The following PLEKHG5 variants were observed in gnomAD, a reference collection of about 807,000 sequenced individuals.
PLEKHG5 encodes pleckstrin homology domain-containing family G member 5.
PLEKHG5 carries 52 observed loss-of-function variants against 103.8 expected under a neutral mutation model. The ratio of observed to expected loss-of-function variants is 0.50; its 90% CI spans 0.40 to 0.63. The LOEUF is 0.63. PLEKHG5 is among the 30% of genes least tolerant of loss of function. PLEKHG5 has a pLI of 0.00. For synonymous variants in PLEKHG5, 592 were observed against 575.5 expected (o/e 1.03, Z -0.41); for missense variants, 1,205 against 1,347.6 (o/e 0.89, Z 1.66).
chr1:6,489,120 T>A (rs1264326473), intron 1 of PLEKHG5, among the ~76,000 whole-genome samples: 1 of 152,198 alleles, frequency 6.6e-6, no homozygotes, highest in Non-Finnish European at 1.5e-5. Flanking sequence ...GCTCTCTGGC[T>A]GGAGGGATGT....
At chr1:6,497,331 G>T, upstream of PLEKHG5, 1 of 984,772 alleles carries the variant, frequency 1.0e-6, no homozygotes, top group Non-Finnish European at 1.3e-6. This position sits in a 1 kb window ranked among gnomAD's most constrained non-coding sequence, Gnocchi z 6.1. Context: ...CATGGAGCAG[G>T]CCCCGTGCCG....
intron 20 of PLEKHG5, 112 bp downstream of exon 20, chr1:6,467,713 G>T: frequency 6.7e-7 from 1 of 1,488,062 alleles, no homozygotes; most frequent in Non-Finnish European, 9.3e-7. Flanking sequence ...CACTGGGCAG[G>T]GTTCAGGCTC....
chr1:6,480,861 G>A (rs1277241875), intron 1 of PLEKHG5, among the ~76,000 whole-genome samples: 4 of 151,856 alleles, frequency 2.6e-5, no homozygotes, highest in Admixed American at 1.3e-4. Context: ...GCCTGGTCTC[G>A]AACTCCTGGG....
upstream of PLEKHG5, chr1:6,491,816 A>T (rs1333297621): frequency 3.2e-6 from 1 of 311,712 alleles, no homozygotes; most frequent in Non-Finnish European, 4.7e-6. This position sits in a 1 kb window ranked among gnomAD's most constrained non-coding sequence, Gnocchi z 4.1. Context: ...TCCACACTGC[A>T]ATCCCCTCTA....
At chr1:6,482,488 T>C (rs1011802806) in intron 1 of PLEKHG5, among the ~76,000 whole-genome samples, 1 of 152,080 alleles carries the variant, frequency 6.6e-6, no homozygotes, top group Non-Finnish European at 1.5e-5. Context: ...TCTGAGTGTG[T>C]TTTTAATGTG....
At chr1:6,470,931 C>G (rs1248947478) in intron 13 of PLEKHG5, 47 bp from the exon 14 acceptor site, 1 of 1,548,818 alleles carries the variant, frequency 6.5e-7, no homozygotes, top group Non-Finnish European at 8.7e-7. Context: ...CCCGCCCCAC[C>G]CGGCCCCGTC....
upstream of PLEKHG5, among the ~76,000 whole-genome samples, chr1:6,499,760 C>A (rs1042730434): frequency 2.0e-5 from 3 of 152,034 alleles, no homozygotes; most frequent in Non-Finnish European, 4.4e-5. Context: ...CAGGTGATAG[C>A]GTACCCTGGA....
At position 6,469,081 on chromosome 1, in the gene PLEKHG5, A is replaced by C. The variant is rs1644484048; in HGVS notation, c.2210T>G (p.Ile737Ser). The C allele has an allele frequency of 1.9e-6, 3 of 1,613,052 alleles. No individual in the cohort carries two copies. Among genetic ancestry groups the C allele is most frequent in the Middle Eastern group, 1.6e-4 (1 of 6,084 alleles). The change falls in exon 19 of 21, where the codon ATC becomes AGC. Residue 737 changes from isoleucine (I) to serine (S), a missense_variant. Coordinates refer to ENST00000377728, the MANE Select transcript of PLEKHG5 (RefSeq NM_020631.6). ...SGTSAASSPTIMRKSSGSPDS... is the reference protein window; with the variant it reads ...SGTSAASSPTSMRKSSGSPDS... ...GGGGCTGCCGCTGCTTTTCCGCATG[A>C]TGGTAGGGGAGCTGGCAGCTGAAGT... is the stretch of plus-strand genomic sequence containing the variant.
At position 6,485,515 on chromosome 1, in the gene PLEKHG5, C is replaced by T. The variant is rs559279274; in HGVS notation, c.-88+6122G>A. The T allele has an allele frequency of 1.0e-3, 1,257 of 1,224,856 alleles. 14 individuals are homozygous for T. The African/African-American group carries it at 0.019, about 18-fold the overall frequency. The allele number at this position is 1,224,856 out of a possible 1,614,324, so 75.9% of individuals were successfully genotyped here. A position where few individuals can be genotyped will look rare whatever the true frequency, so the allele number is the denominator to read the frequency against. ...CGGAGCCCCGCTTCCTGCCATTGTG[C>T]GGCCGCGCCCGCCCCCGCCGAGCGC... On this transcript the variant is annotated intron_variant, in intron 1 of 20. Transcript: ENST00000377728.
intron 1 of PLEKHG5, among the ~76,000 whole-genome samples, chr1:6,516,517 C>T (rs1466729238): frequency 6.6e-6 from 1 of 150,842 alleles, no homozygotes; most frequent in African/African-American, 2.4e-5. Flanking sequence ...ATTAGCTGGA[C>T]GTGGTGGCGG....
At chr1:6,504,601 G>A (rs1179123065) in intron 1 of PLEKHG5, among the ~76,000 whole-genome samples, 6 of 140,324 alleles carry the variant, frequency 4.3e-5, no homozygotes, top group Non-Finnish European at 3.0e-5. Flanking sequence ...ATGGAGTCTC[G>A]CTCTGTCACC....
At chr1:6,478,424 C>G (rs1250412488) in intron 1 of PLEKHG5, among the ~76,000 whole-genome samples, 1 of 152,102 alleles carries the variant, frequency 6.6e-6, no homozygotes, top group Non-Finnish European at 1.5e-5. Context: ...CCACCTTGGT[C>G]TCCCAAAATG....
At chr1:6,497,004 G>A, upstream of PLEKHG5, 1 of 1,526,954 alleles carries the variant, frequency 6.5e-7, no homozygotes, top group South Asian at 1.2e-5. This position sits in a 1 kb window ranked among gnomAD's most constrained non-coding sequence, Gnocchi z 6.1. Context: ...CCGAAGGTCT[G>A]GGGCGACCCC....
At chr1:6,479,253 C>T (rs1487157006) in intron 1 of PLEKHG5, among the ~76,000 whole-genome samples, 1 of 151,062 alleles carries the variant, frequency 6.6e-6, no homozygotes, top group Non-Finnish European at 1.5e-5. Context: ...TCAAGTTTCA[C>T]ACGTGGCATT....
chr1:6,467,341 C>T lies in PLEKHG5; in HGVS notation c.*222G>A, dbSNP rs1450886542. On this transcript the variant is annotated 3_prime_UTR_variant, in exon 21 of 21. Coordinates refer to ENST00000377728, the MANE Select transcript of PLEKHG5 (RefSeq NM_020631.6). Reference sequence around the variant, plus strand: ...GCTGGTAACTTCGGGGAGTAGGTGACGAGGGGCTGCCTGGGCAGGTGGGGT... The same window carrying T: ...GCTGGTAACTTCGGGGAGTAGGTGATGAGGGGCTGCCTGGGCAGGTGGGGT... 3 of 653,972 alleles carry T rather than the reference C, an allele frequency of 4.6e-6. No individual in the cohort carries two copies. The highest frequency in any genetic ancestry group is 2.2e-5 in the Admixed American group (1 of 46,312). The allele number at this position is 653,972 out of a possible 1,614,324, so 40.5% of individuals were successfully genotyped here.
chr1:6,514,362 G>A (rs1638557238), intron 1 of PLEKHG5, among the ~76,000 whole-genome samples: 3 of 151,954 alleles, frequency 2.0e-5, no homozygotes, highest in African/African-American at 7.2e-5. Flanking sequence ...GGCTACGGAA[G>A]AGGATGACTT....
At chr1:6,512,446 C>T (rs752350012) in intron 1 of PLEKHG5, among the ~76,000 whole-genome samples, 65 of 152,340 alleles carry the variant, frequency 4.3e-4, no homozygotes, top group Admixed American at 1.4e-3. Flanking sequence ...GGCCCCTCCC[C>T]GGGCTACCGA....
chr1:6,485,655 C>T (rs1458881851), intron 1 of PLEKHG5, among the ~76,000 whole-genome samples: 1 of 149,430 alleles, frequency 6.7e-6, no homozygotes, highest in Non-Finnish European at 1.5e-5. Context: ...CCTCCCCGCC[C>T]GGGAACCCCT....
intron 3 of PLEKHG5, 125 bp downstream of exon 3, chr1:6,475,806 G>A (rs1412846680): frequency 3.4e-6 from 3 of 886,204 alleles, no homozygotes; most frequent in Non-Finnish European, 5.6e-6. Context: ...CCACAGGCGT[G>A]GGAAGAGGTC....
Sources: allele counts gnomAD v4.1 joint callset (sites outside exome capture counted in the v4.1 genomes callset), GRCh38; gene constraint gnomAD v4.1.1; non-coding constraint Gnocchi (gnomAD v3.1); transcripts MANE v1.5; gene names NCBI Gene and HGNC (gene_info 2026-07-23, HGNC 2026-07-21).